STAT5B: variants seen among roughly 807,000 people sequenced by gnomAD.
STAT5B encodes transcription factor STAT5B.
STAT5B carries 21 observed loss-of-function variants against 107.8 expected under a neutral mutation model. The observed-to-expected ratio is 0.19, with a 90% confidence interval of 0.14 to 0.28. The LOEUF (loss-of-function observed/expected upper bound fraction) is 0.28. Among genes scored for constraint, STAT5B ranks in the 10% least tolerant of loss-of-function variants. The pLI, the probability that STAT5B is intolerant of heterozygous loss-of-function variation, is 1.00. For missense variants in STAT5B, 565 were observed against 1,008.2 expected, an observed-to-expected ratio of 0.56 and a Z score of 5.95; for synonymous variants, 325 against 401.7, an observed-to-expected ratio of 0.81 and a Z score of 2.28.
chr17:42,222,086 C>G (rs1176331721), intron 5 of STAT5B, among the ~76,000 whole-genome samples: 22 of 110,598 alleles, frequency 2.0e-4, no homozygotes, highest in African/African-American at 6.2e-4. Flanking sequence ...TGTGTGTGTG[C>G]TGTGTGTGTG....
chr17:42,280,554 A>C (rs941673480), upstream of STAT5B, among the ~76,000 whole-genome samples: 12 of 152,038 alleles, frequency 7.9e-5, no homozygotes, highest in African/African-American at 2.9e-4. Flanking sequence ...CCGGCCACAC[A>C]TTTGCTAAGA....
chr17:42,261,266 A>C (rs2080594123), intron 1 of STAT5B, among the ~76,000 whole-genome samples: 1 of 152,186 alleles, frequency 6.6e-6, no homozygotes, highest in African/African-American at 2.4e-5. Flanking sequence ...AGAGGAGGTA[A>C]GAGGTGATAA....
chr17:42,205,715 G>C (rs2080079305), intron 16 of STAT5B, among the ~76,000 whole-genome samples: 1 of 152,118 alleles, frequency 6.6e-6, no homozygotes, highest in African/African-American at 2.4e-5. Flanking sequence ...TTTGAGACCA[G>C]TCTGGGAAAC....
Position 42,217,358 on chromosome 17 carries a change from C to T in STAT5B, c.1257+19G>A. The T allele has an allele frequency of 2.5e-6, 4 of 1,614,182 alleles. No homozygotes were observed. Among genetic ancestry groups the T allele is most frequent in the Non-Finnish European group, 3.4e-6 (4 of 1,180,040 alleles). ...AAAGACCAGGGAAAAATTCATTCTT[C>T]CTCTTCTTCCACCCTCACCATATTC... On this transcript the variant is annotated intron_variant, in intron 10 of 18. Transcript: ENST00000293328.
intron 16 of STAT5B, among the ~76,000 whole-genome samples, chr17:42,204,295 G>A (rs2080069251): frequency 6.6e-6 from 1 of 152,186 alleles, no homozygotes; most frequent in Admixed American, 6.6e-5. Context: ...ATCCAGGTAA[G>A]CAGGTGGTAA....
chr17:42,220,092 G>T (rs574393311), intron 5 of STAT5B, among the ~76,000 whole-genome samples: 13 of 152,280 alleles, frequency 8.5e-5, no homozygotes, highest in African/African-American at 3.1e-4. Flanking sequence ...TGGGGCAGCT[G>T]GGGAGGAGGC....
rs911793931 is a variant in STAT5B at position 42,257,938 on chromosome 17, T to C, written c.-11+18310A>G. Among the ~76,000 whole-genome samples, 5 of 152,252 alleles carry C rather than the reference T, an allele frequency of 3.3e-5. No homozygotes were observed. The South Asian group carries it at 1.0e-3, about 32-fold the overall frequency. ...ATCAATATAATGAATTTTATGAGAG[T>C]GCTGAATCCTAACCACTAGACAACC... On this transcript the variant is annotated intron_variant, in intron 1 of 18. Transcript: ENST00000293328.
chr17:42,219,934 C>A, intron 5 of STAT5B, 92 bp from the exon 6 acceptor site: 1 of 1,587,438 alleles, frequency 6.3e-7, no homozygotes, highest in East Asian at 2.3e-5. Flanking sequence ...GAGCGAGACC[C>A]TCCTGGGCTC....
Position 42,201,633 on chromosome 17 carries a change from TTA to T in STAT5B, c.*103_*104del, listed in dbSNP as rs1426945201. 1 of 860,370 alleles carries T rather than the reference TTA, an allele frequency of 1.2e-6. No individual in the cohort carries two copies. The highest frequency in any genetic ancestry group is 1.7e-5 in the African/African-American group (1 of 60,076). 53.3% of individuals were successfully genotyped at this position (860,370 alleles called of 1,614,324 possible). ...TCACAACTAGTATTAACACTTCACA[TTA>T]TGAGTATTGTTTCAAAAGAGAAGCG... On this transcript the variant is annotated 3_prime_UTR_variant, in exon 19 of 19. Coordinates refer to ENST00000293328, the MANE Select transcript of STAT5B (RefSeq NM_012448.4).
At position 42,200,992 on chromosome 17, in the gene STAT5B, A is replaced by G. The variant is rs1435409019; in HGVS notation, c.*746T>C. ...TTTTCTCTCCTCTATTTCTCCAAAC[A>G]TATGTGCACACCCAGAGGAACTGAG... On this transcript the variant is annotated 3_prime_UTR_variant, in exon 19 of 19. Coordinates refer to ENST00000293328, the MANE Select transcript of STAT5B (RefSeq NM_012448.4). The G allele has an allele frequency of 5.0e-6, 2 of 399,272 alleles. No homozygotes were observed. The highest frequency in any genetic ancestry group is 4.4e-5 in the Admixed American group (1 of 22,940). The allele number at this position is 399,272 out of a possible 1,614,324, so 24.7% of individuals were successfully genotyped here. A position where few individuals can be genotyped will look rare whatever the true frequency, so the allele number is the denominator to read the frequency against.
At chr17:42,204,275 G>A (rs973470218) in intron 16 of STAT5B, among the ~76,000 whole-genome samples, 2 of 152,214 alleles carry the variant, frequency 1.3e-5, no homozygotes, top group East Asian at 1.9e-4. Flanking sequence ...TCAGAAGGCT[G>A]ACTATGGAAA....
In STAT5B at chr17:42,201,091, T is replaced by A. The variant is rs765673447; in HGVS notation, c.*647A>T. The A allele has an allele frequency of 1.2e-4, 49 of 403,452 alleles. No individual in the cohort carries two copies. Among genetic ancestry groups the A allele is most frequent in the Non-Finnish European group, 1.9e-4 (44 of 228,928 alleles). The allele number at this position is 403,452 out of a possible 1,614,324, so 25.0% of individuals were successfully genotyped here. A position where few individuals can be genotyped will look rare whatever the true frequency, so the allele number is the denominator to read the frequency against. ...AGAATAAGATGAGCTAAATGTTTTG[T>A]GAAAAGCCACCGCCCATCCGAAAGC... On this transcript the variant is annotated 3_prime_UTR_variant, in exon 19 of 19. Transcript: ENST00000293328.
chr17:42,227,416 C>G, intron 3 of STAT5B, 113 bp downstream of exon 3: 1 of 1,423,834 alleles, frequency 7.0e-7, no homozygotes, highest in Admixed American at 2.2e-5. Context: ...ACAACAAGAA[C>G]CTTATGCACG....
At chr17:42,232,789 T>A (rs2080327412) in intron 1 of STAT5B, among the ~76,000 whole-genome samples, 1 of 151,786 alleles carries the variant, frequency 6.6e-6, no homozygotes, top group African/African-American at 2.4e-5. Flanking sequence ...TTGTTCAAAA[T>A]TGTCAGCCAT....
At chr17:42,203,429 C>A (rs554833638) in intron 16 of STAT5B, among the ~76,000 whole-genome samples, 3 of 151,234 alleles carry the variant, frequency 2.0e-5, no homozygotes, top group African/African-American at 7.3e-5. Flanking sequence ...AAAAAAAACA[C>A]CTTGAAAAGC....
chr17:42,238,912 G>GGCT (rs2080379220), intron 1 of STAT5B, among the ~76,000 whole-genome samples: 1 of 151,456 alleles, frequency 6.6e-6, no homozygotes, highest in South Asian at 2.1e-4. Context: ...GTAACAGCAA[G>GGCT]GCTTTGATTT....
chr17:42,282,112 CG>C, the STAT5B span, among the ~76,000 whole-genome samples: 1 of 152,248 alleles, frequency 6.6e-6, no homozygotes, highest in South Asian at 2.1e-4. Context: ...GTCAAAGCTC[CG>C]GAAGTTCTGT....
chr17:42,205,343 T>C (rs1003695924), intron 16 of STAT5B, among the ~76,000 whole-genome samples: 1 of 151,308 alleles, frequency 6.6e-6, no homozygotes, highest in African/African-American at 2.4e-5. Flanking sequence ...CTAGGATATA[T>C]TTCCAAGTAA....
At chr17:42,230,119 T>G (rs971856013) in intron 2 of STAT5B, among the ~76,000 whole-genome samples, 5 of 152,120 alleles carry the variant, frequency 3.3e-5, no homozygotes, top group African/African-American at 1.2e-4. Flanking sequence ...GAGGTACAGC[T>G]GACATTCTCA....
Sources: gnomAD v4.1 joint callset for allele counts (sites outside exome capture counted in the v4.1 genomes callset) on GRCh38, gnomAD v4.1.1 for gene constraint, MANE v1.5 for transcripts, NCBI Gene and HGNC (gene_info 2026-07-23, HGNC 2026-07-21) for gene names.